Variants in CTNNBIP1 observed in about 807,000 individuals in gnomAD.
CTNNBIP1 encodes beta-catenin-interacting protein 1.
In CTNNBIP1, 7 loss-of-function variants were observed where a neutral mutation model predicts 11.8. The ratio of observed to expected loss-of-function variants is 0.60; its 90% CI spans 0.34 to 1.12. CTNNBIP1 has a LOEUF of 1.12. Among genes scored for constraint, CTNNBIP1 ranks in the 50% most tolerant of loss-of-function variants. The pLI, the probability that CTNNBIP1 is intolerant of heterozygous loss-of-function variation, is 0.03. For synonymous variants in CTNNBIP1, 58 were observed against 43.9 expected (o/e 1.32, Z -1.26); for missense variants, 101 against 113.4 (o/e 0.89, Z 0.50).
rs151144700 is a variant in CTNNBIP1 at position 9,851,374 on chromosome 1, CT to C, written c.188-599del. Among the ~76,000 whole-genome samples the C allele has an allele frequency of 1.3e-5, 2 of 151,602 alleles. No homozygotes were observed. Among genetic ancestry groups the C allele is most frequent in the East Asian group, 3.9e-4 (2 of 5,180 alleles). ...TTCTTTTTCTTTTTCCTTTTTCTTT[CT>C]TTTTTTTGTGTGTGATATGGAGTCT... On this transcript the variant is annotated intron_variant, in intron 5 of 5. Coordinates refer to ENST00000377263, the MANE Select transcript of CTNNBIP1 (RefSeq NM_020248.3). This position sits in a 1 kb window ranked among gnomAD's most constrained non-coding sequence, Gnocchi z 4.8.
intron 1 of CTNNBIP1, among the ~76,000 whole-genome samples, chr1:9,886,411 C>T (rs1453628624): frequency 2.0e-5 from 3 of 152,228 alleles, no homozygotes; most frequent in South Asian, 2.1e-4. Flanking sequence ...TATCTTCTGA[C>T]GTTGCCATGT....
intron 5 of CTNNBIP1, among the ~76,000 whole-genome samples, chr1:9,862,709 C>T (rs1170335691): frequency 6.6e-6 from 1 of 152,216 alleles, no homozygotes; most frequent in Non-Finnish European, 1.5e-5. Flanking sequence ...CTCCAAGGCC[C>T]CGTGCAAACA....
At chr1:9,874,169 G>A (rs955330602) in intron 3 of CTNNBIP1, among the ~76,000 whole-genome samples, 4 of 152,092 alleles carry the variant, frequency 2.6e-5, no homozygotes, top group African/African-American at 7.2e-5. Flanking sequence ...TAGAACATGC[G>A]GAGAAGCTCT....
chr1:9,884,495 C>T (rs990418411), intron 1 of CTNNBIP1, among the ~76,000 whole-genome samples: 7 of 152,102 alleles, frequency 4.6e-5, no homozygotes, highest in Non-Finnish European at 7.4e-5. Flanking sequence ...GACCCACAGG[C>T]AAAGCTTCTA....
chr1:9,887,569 G>A (rs1319504390), intron 1 of CTNNBIP1, among the ~76,000 whole-genome samples: 1 of 152,030 alleles, frequency 6.6e-6, no homozygotes, highest in Non-Finnish European at 1.5e-5. Flanking sequence ...TGGGCATGGT[G>A]GCACACGCCT....
At position 9,885,799 on chromosome 1, in the gene CTNNBIP1, C is replaced by T. The variant is rs115408769; in HGVS notation, c.-143-2061G>A. 4.9e-3 allele frequency among the ~76,000 whole-genome samples: 746 copies of T among 152,010 alleles called. 7 individuals are homozygous for T. The highest frequency in any genetic ancestry group is 0.017 in the African/African-American group (693 of 41,472). ...TCTCTACTAAAAATACAAAATTAGC[C>T]GTGTTGGTAGTGCATGCCTGTACTT... On this transcript the variant is annotated intron_variant, in intron 1 of 5. Transcript: ENST00000377263.
chr1:9,854,368 C>CAA (rs373565421), intron 5 of CTNNBIP1, among the ~76,000 whole-genome samples: 301 of 83,712 alleles, frequency 3.6e-3, no homozygotes, highest in South Asian at 0.011. Context: ...AACTCCATCT[C>CAA]AAAAAAAAAA....
intron 1 of CTNNBIP1, among the ~76,000 whole-genome samples, chr1:9,891,987 G>A (rs1363563023): frequency 6.6e-6 from 1 of 151,934 alleles, no homozygotes; most frequent in Non-Finnish European, 1.5e-5. Flanking sequence ...TGTATTTTTA[G>A]TAGGGACAGG....
At chr1:9,885,044 G>T (rs1285125192) in intron 1 of CTNNBIP1, among the ~76,000 whole-genome samples, 1 of 152,190 alleles carries the variant, frequency 6.6e-6, no homozygotes, top group Non-Finnish European at 1.5e-5. Context: ...CCTGACTGTT[G>T]AATGGAGACA....
chr1:9,877,507 G>A (rs1638993980), intron 3 of CTNNBIP1, among the ~76,000 whole-genome samples: 1 of 152,206 alleles, frequency 6.6e-6, no homozygotes, highest in Non-Finnish European at 1.5e-5. Flanking sequence ...TCAGACACAT[G>A]AGCTGCCTCC....
At chr1:9,878,344 G>C (rs551079192) in intron 2 of CTNNBIP1, among the ~76,000 whole-genome samples, 1 of 152,306 alleles carries the variant, frequency 6.6e-6, no homozygotes, top group South Asian at 2.1e-4. Context: ...ATCACTCCAG[G>C]AAAGTTGATG....
Position 9,908,405 on chromosome 1 carries a change from G to A in CTNNBIP1, c.-144+1690C>T, listed in dbSNP as rs541715561. Among the ~76,000 whole-genome samples the A allele has an allele frequency of 5.0e-5, 6 of 119,628 alleles. No homozygotes were observed. In the South Asian group the frequency reaches 1.3e-3, roughly 27 times the overall value. The allele number at this position is 119,628 out of a possible 152,430, so 78.5% of individuals were successfully genotyped here. A position where few individuals can be genotyped will look rare whatever the true frequency, so the allele number is the denominator to read the frequency against. On this transcript the variant is annotated intron_variant, in intron 1 of 5. Transcript: ENST00000377263. ...TTTTTTTTTTTTGAGACGGAGTCTC[G>A]CTCTGTCGCCCAGACTGGAGTGCAG... is the stretch of plus-strand genomic sequence containing the variant.
At chr1:9,907,977 C>A (rs1371467382) in intron 1 of CTNNBIP1, among the ~76,000 whole-genome samples, 2 of 152,234 alleles carry the variant, frequency 1.3e-5, no homozygotes, top group African/African-American at 4.8e-5. Flanking sequence ...TAAAACCCTC[C>A]AATGGCCTCT....
intron 5 of CTNNBIP1, 141 bp from the exon 6 acceptor site, chr1:9,850,917 A>T (rs1202662047): frequency 2.6e-6 from 2 of 782,190 alleles, no homozygotes; most frequent in African/African-American, 3.4e-5. Flanking sequence ...CTTCCGAGGA[A>T]GTCTTCCTCC....
Position 9,871,368 on chromosome 1 carries a change from G to A in CTNNBIP1, c.97-91C>T, listed in dbSNP as rs1294220599. 2.1e-6 allele frequency: 2 copies of A among 972,432 alleles called. No homozygotes were observed. The highest frequency in any genetic ancestry group is 2.6e-5 in the East Asian group (1 of 38,160). The allele number at this position is 972,432 out of a possible 1,614,324, so 60.2% of individuals were successfully genotyped here. A position where few individuals can be genotyped will look rare whatever the true frequency, so the allele number is the denominator to read the frequency against. The stretch of plus-strand genomic sequence containing the variant: ...CTAGAGGCACCGCCTAGGCCTGCTT[G>A]GTCCCTGCTTGGTCCCTGCTCGGGC... On this transcript the variant is annotated intron_variant, in intron 4 of 5. Transcript: ENST00000377263. This position sits in a 1 kb window ranked among gnomAD's most constrained non-coding sequence, Gnocchi z 5.2.
intron 5 of CTNNBIP1, among the ~76,000 whole-genome samples, chr1:9,858,277 C>T (rs905818354): frequency 6.6e-6 from 1 of 152,150 alleles, no homozygotes; most frequent in Admixed American, 6.5e-5. Context: ...AAACCTAAGT[C>T]AGCTCCTACC....
intron 2 of CTNNBIP1, among the ~76,000 whole-genome samples, chr1:9,878,872 T>C (rs1176167459): frequency 1.3e-5 from 2 of 152,188 alleles, no homozygotes; most frequent in Admixed American, 6.5e-5. Context: ...TGTGGTTATA[T>C]ATTATGCGGT....
chr1:9,877,834 T>C (rs181468404), intron 3 of CTNNBIP1, 71 bp downstream of exon 3: 8 of 152,768 alleles, frequency 5.2e-5, no homozygotes, highest in East Asian at 1.9e-4. Flanking sequence ...TGGCGTCCAA[T>C]AGGACTCCTC....
chr1:9,895,843 G>A (rs920975966), intron 1 of CTNNBIP1, among the ~76,000 whole-genome samples: 1 of 151,998 alleles, frequency 6.6e-6, no homozygotes, highest in African/African-American at 2.4e-5. Flanking sequence ...GCCCAGGCTG[G>A]TCTTGAACTC....
Sources: allele counts gnomAD v4.1 joint callset (sites outside exome capture counted in the v4.1 genomes callset), GRCh38; gene constraint gnomAD v4.1.1; non-coding constraint Gnocchi (gnomAD v3.1); transcripts MANE v1.5; gene names NCBI Gene and HGNC (gene_info 2026-07-23, HGNC 2026-07-21).